Variants in GALNT17 observed in about 807,000 individuals in gnomAD.
GALNT17 encodes UDP-GalNAc:polypeptide N-acetylgalactosaminyltransferase-like 3.
GALNT17 carries 29 observed loss-of-function variants against 63.7 expected under a neutral mutation model. The ratio of observed to expected loss-of-function variants is 0.46; its 90% confidence interval spans 0.34 to 0.62. The LOEUF (loss-of-function observed/expected upper bound fraction) is 0.62. Among genes scored for constraint, GALNT17 ranks in the 20% least tolerant of loss-of-function variants. GALNT17 has a pLI of 0.01. For missense variants in GALNT17, 603 were observed against 799.6 expected (o/e 0.75, Z 2.97); for synonymous variants, 305 against 318.3 (o/e 0.96, Z 0.45).
intron 1 of GALNT17, among the ~76,000 whole-genome samples, chr7:71,308,379 T>G (rs1791347206): frequency 6.6e-6 from 1 of 152,152 alleles, no homozygotes; most frequent in African/African-American, 2.4e-5. Flanking sequence ...GGCATTGCCT[T>G]TTATAGAACT....
intron 1 of GALNT17, among the ~76,000 whole-genome samples, chr7:71,310,188 T>C (rs1791392033): frequency 6.6e-6 from 1 of 152,226 alleles, no homozygotes; most frequent in African/African-American, 2.4e-5. Context: ...GATATGTCTT[T>C]ATCAGCAGCA....
intron 5 of GALNT17, among the ~76,000 whole-genome samples, chr7:71,536,946 C>T (rs62459932): frequency 0.032 from 4,928 of 152,250 alleles, 91 homozygotes; most frequent in Middle Eastern, 0.082. Context: ...GGGACCTGTC[C>T]CCTTGAGTCA....
intron 1 of GALNT17, among the ~76,000 whole-genome samples, chr7:71,316,502 T>G (rs764634555): frequency 6.6e-6 from 1 of 152,284 alleles, no homozygotes; most frequent in South Asian, 2.1e-4. Context: ...ATTTTGGCTT[T>G]GATTATTGTG....
At chr7:71,648,150 G>A (rs1790706947) in intron 6 of GALNT17, among the ~76,000 whole-genome samples, 2 of 152,152 alleles carry the variant, frequency 1.3e-5, no homozygotes, top group African/African-American at 4.8e-5. Flanking sequence ...TATTCTCTTG[G>A]CTAGTAAATA....
At chr7:71,676,465 C>T (rs928840641) in intron 8 of GALNT17, among the ~76,000 whole-genome samples, 1 of 151,830 alleles carries the variant, frequency 6.6e-6, no homozygotes, top group African/African-American at 2.4e-5. Flanking sequence ...CTCACTGCAG[C>T]CTGGAACTCC....
chr7:71,348,092 C>T (rs1469327389), intron 2 of GALNT17, among the ~76,000 whole-genome samples: 1 of 152,106 alleles, frequency 6.6e-6, no homozygotes, highest in Admixed American at 6.6e-5. Flanking sequence ...GAAAACCCAT[C>T]TCTACTAAAA....
chr7:71,285,153 A>T (rs974352892), intron 1 of GALNT17, among the ~76,000 whole-genome samples: 7 of 152,224 alleles, frequency 4.6e-5, no homozygotes, highest in Non-Finnish European at 1.0e-4. Context: ...AAAATAATGT[A>T]AGGTTTTTAT....
At chr7:71,696,917 C>T (rs1299657556) in intron 9 of GALNT17, among the ~76,000 whole-genome samples, 1 of 152,012 alleles carries the variant, frequency 6.6e-6, no homozygotes, top group Non-Finnish European at 1.5e-5. Flanking sequence ...TAAGAAAAAC[C>T]TATAGCAAAG....
At chr7:71,337,892 C>CA (rs1791938129) in intron 2 of GALNT17, among the ~76,000 whole-genome samples, 2 of 151,462 alleles carry the variant, frequency 1.3e-5, no homozygotes, top group African/African-American at 2.4e-5. Flanking sequence ...AACAAACAAA[C>CA]AACAACAACA....
rs1554338085 is a variant in GALNT17, at chr7:71,201,241, T to TATATATATATATATATA, written c.238+68201_238+68202insATATATATATATATATA. On this transcript the variant is annotated intron_variant, in intron 1 of 10. Coordinates refer to ENST00000333538, the MANE Select transcript of GALNT17 (RefSeq NM_022479.3). Reference sequence around the variant, plus strand: ...TGTATGGGGGTGTGTGTGTTTATTTTTATATATATATATATAATTTGTGTG... The same window carrying TATATATATATATATATA: ...TGTATGGGGGTGTGTGTGTTTATTTTATATATATATATATATATATATATATATATATAATTTGTGTG... 4.3e-4 allele frequency among the ~76,000 whole-genome samples: 59 copies of TATATATATATATATATA among 138,422 alleles called. 1 individual carries two copies. The highest frequency in any genetic ancestry group is 1.1e-3 in the African/African-American group (38 of 35,430). 90.8% of individuals were successfully genotyped at this position (138,422 alleles called of 152,430 possible).
In GALNT17 at chr7:71,324,627, C is replaced by A. The variant is rs544964729; in HGVS notation, c.239-10923C>A. Among the ~76,000 whole-genome samples the A allele has an allele frequency of 5.3e-5, 8 of 152,252 alleles. No individual in the cohort carries two copies. The East Asian group carries it at 1.5e-3, about 29-fold the overall frequency. On this transcript the variant is annotated intron_variant, in intron 1 of 10. Transcript: ENST00000333538. ...GAACCGATATCATGCCACTGCACTG[C>A]AGCCTGGGTGACAGAGTGAGACCTT...
intron 5 of GALNT17, among the ~76,000 whole-genome samples, chr7:71,560,229 A>G (rs1045372462): frequency 1.3e-5 from 2 of 149,838 alleles, no homozygotes; most frequent in Middle Eastern, 3.2e-3. Context: ...AAGAATCACA[A>G]ATTGTCCTAA....
intron 6 of GALNT17, among the ~76,000 whole-genome samples, chr7:71,636,718 C>T (rs1405056720): frequency 1.3e-5 from 2 of 152,184 alleles, no homozygotes; most frequent in Non-Finnish European, 2.9e-5. Context: ...ATAGTGACAA[C>T]TCTGTGTGCC....
At chr7:71,610,860 C>G (rs1790114539) in intron 6 of GALNT17, among the ~76,000 whole-genome samples, 1 of 151,808 alleles carries the variant, frequency 6.6e-6, no homozygotes, top group Non-Finnish European at 1.5e-5. Flanking sequence ...GTGGCATGTA[C>G]CTGTAATCCC....
chr7:71,172,203 C>T (rs866241080), intron 1 of GALNT17, among the ~76,000 whole-genome samples: 6 of 152,194 alleles, frequency 3.9e-5, no homozygotes, highest in Middle Eastern at 6.8e-3. Context: ...CAGTGGCTCA[C>T]GCTTGTAATC....
At chr7:71,319,380 C>T (rs1791563730) in intron 1 of GALNT17, among the ~76,000 whole-genome samples, 1 of 151,996 alleles carries the variant, frequency 6.6e-6, no homozygotes, top group South Asian at 2.1e-4. Context: ...CCAGGGTTTC[C>T]TTCTACGTTC....
At chr7:71,573,246 C>T (rs1387838678) in intron 6 of GALNT17, among the ~76,000 whole-genome samples, 1 of 151,982 alleles carries the variant, frequency 6.6e-6, no homozygotes, top group African/African-American at 2.4e-5. Flanking sequence ...CTGACCTTAG[C>T]TGATCTTCCC....
intron 1 of GALNT17, among the ~76,000 whole-genome samples, chr7:71,163,506 T>C (rs1039535922): frequency 4.4e-4 from 67 of 152,060 alleles, no homozygotes; most frequent in Non-Finnish European, 8.7e-4. Flanking sequence ...TTAAGGCCCC[T>C]TTTCCCTAAT....
chr7:71,286,822 C>A (rs1790883694), intron 1 of GALNT17, among the ~76,000 whole-genome samples: 1 of 151,632 alleles, frequency 6.6e-6, no homozygotes, highest in South Asian at 2.1e-4. Flanking sequence ...GGGTCTCACT[C>A]TTTGGCCCAG....
Sources: allele counts gnomAD v4.1 joint callset (sites outside exome capture counted in the v4.1 genomes callset), GRCh38; gene constraint gnomAD v4.1.1; transcripts MANE v1.5; gene names NCBI Gene and HGNC (gene_info 2026-07-23, HGNC 2026-07-21).